Variants in XYLT1 observed in about 807,000 individuals in gnomAD.
XYLT1 encodes beta-D-xylosyltransferase 1.
Under a neutral mutation model 91.3 loss-of-function variants are expected in XYLT1, and 36 were observed. That is an observed-to-expected ratio of 0.39 (90% CI 0.30 to 0.52). The LOEUF is 0.52. Among genes scored for constraint, XYLT1 ranks in the 20% least tolerant of loss-of-function variants. The probability of loss-of-function intolerance (pLI) is 0.68; values close to 1 mark genes in which losing one functional copy is unlikely to be tolerated. For synonymous variants in XYLT1, 588 were observed against 532.0 expected, an observed-to-expected ratio of 1.11 and a Z score of -1.45; for missense variants, 1,242 against 1,284.5, an observed-to-expected ratio of 0.97 and a Z score of 0.51.
chr16:17,226,045 C>T (rs984135813), intron 3 of XYLT1, among the ~76,000 whole-genome samples: 2 of 152,040 alleles, frequency 1.3e-5, no homozygotes, highest in Non-Finnish European at 2.9e-5. Context: ...TGAAGGGGAC[C>T]CCTCCAGGAT....
chr16:17,421,571 C>T (rs978334766), intron 1 of XYLT1, among the ~76,000 whole-genome samples: 6 of 152,172 alleles, frequency 3.9e-5, no homozygotes, highest in Admixed American at 3.9e-4. Flanking sequence ...GGCCATCCAG[C>T]TGTGAGACAA....
Position 17,404,419 on chromosome 16 carries a change from G to A in XYLT1, c.364-46369C>T, listed in dbSNP as rs115161358. Among the ~76,000 whole-genome samples the A allele has an allele frequency of 8.3e-3, 1,265 of 152,250 alleles. 19 individuals are homozygous for A. Among genetic ancestry groups the A allele is most frequent in the African/African-American group, 0.029 (1,202 of 41,550 alleles). On this transcript the variant is annotated intron_variant, in intron 1 of 11. Coordinates refer to ENST00000261381, the MANE Select transcript of XYLT1 (RefSeq NM_022166.4). Reference sequence around the variant, plus strand: ...GTAACAGCCACAGTAACTGACACACGTCAACAACTGACCTGGAGCCAGATG... The same window carrying A: ...GTAACAGCCACAGTAACTGACACACATCAACAACTGACCTGGAGCCAGATG...
At chr16:17,296,248 C>T (rs941802061) in intron 2 of XYLT1, among the ~76,000 whole-genome samples, 6 of 136,370 alleles carry the variant, frequency 4.4e-5, no homozygotes, top group African/African-American at 1.9e-4. Flanking sequence ...AAACCTAAAC[C>T]AAACCATGTT....
At chr16:17,273,725 T>C (rs1348490108) in intron 2 of XYLT1, among the ~76,000 whole-genome samples, 3 of 150,906 alleles carry the variant, frequency 2.0e-5, no homozygotes, top group Non-Finnish European at 2.9e-5. Flanking sequence ...GTGCCTGTAA[T>C]CCCACCTACT....
intron 3 of XYLT1, among the ~76,000 whole-genome samples, chr16:17,218,217 C>A (rs1009311291): frequency 6.6e-6 from 1 of 152,004 alleles, no homozygotes; most frequent in Admixed American, 6.5e-5. Flanking sequence ...AAAATCACAC[C>A]ACTGCGCTCC....
rs2034568161 is a variant in XYLT1 at position 17,312,646 on chromosome 16, C to A, written c.402+45366G>T. Among the ~76,000 whole-genome samples, 1 of 152,104 alleles carries A rather than the reference C, an allele frequency of 6.6e-6. No homozygotes were observed. The highest frequency in any genetic ancestry group is 2.1e-4 in the South Asian group (1 of 4,820). ...CTGCAGATTTTGTTTTTGTTTTCAC[C>A]CATTTTCAACATACTCATGTGTGTA... On this transcript the variant is annotated intron_variant, in intron 2 of 11. Coordinates refer to ENST00000261381, the MANE Select transcript of XYLT1 (RefSeq NM_022166.4). This position sits in a 1 kb window ranked among gnomAD's most constrained non-coding sequence, Gnocchi z 4.4.
Position 17,198,228 on chromosome 16 carries a change from C to T in XYLT1, c.1273G>A (p.Ala425Thr). Residue 425 changes from alanine to threonine, a missense_variant, in exon 5 of 12, where the codon GCC (alanine) becomes ACC (threonine). Coordinates refer to ENST00000261381, the MANE Select transcript of XYLT1 (RefSeq NM_022166.4). The stretch of plus-strand genomic sequence containing the variant: ...CTGCCTTACCTGATGGGGTAGTCGG[C>T]CGCACTCAGGTTGATGAAGAAGTCC... The part of the protein sequence containing the change: ...PWDFFINLSA[A>T]DYPIRTNDQL... 6.2e-7 allele frequency: 1 copy of T among 1,614,158 alleles called. No homozygotes were observed. Among genetic ancestry groups the T allele is most frequent in the Non-Finnish European group, 8.5e-7 (1 of 1,180,018 alleles).
intron 2 of XYLT1, among the ~76,000 whole-genome samples, chr16:17,285,874 C>CTGTGTGTGTGTGTGTGTGTGTGTG (rs56267931): frequency 1.4e-5 from 2 of 145,156 alleles, no homozygotes; most frequent in East Asian, 2.2e-4. Context: ...TGGTGTATCT[C>CTGTGTGTGTGTGTGTGTGTGTGTG]TGTGTGTGTG....
chr16:17,353,902 T>C (rs989344691), intron 2 of XYLT1, among the ~76,000 whole-genome samples: 7 of 152,236 alleles, frequency 4.6e-5, no homozygotes, highest in Admixed American at 3.9e-4. Context: ...CAACACTATC[T>C]GCTTCCTGTG....
chr16:17,154,946 C>A (rs1245129890), intron 6 of XYLT1, among the ~76,000 whole-genome samples: 1 of 152,182 alleles, frequency 6.6e-6, no homozygotes, highest in African/African-American at 2.4e-5. Context: ...AAGATCTCTG[C>A]CTCTGTCACC....
At chr16:17,456,328 A>G (rs1181348442) in intron 1 of XYLT1, among the ~76,000 whole-genome samples, 1 of 146,806 alleles carries the variant, frequency 6.8e-6, no homozygotes. Context: ...CAAACAGTAC[A>G]AACCTTTTTT....
intron 3 of XYLT1, among the ~76,000 whole-genome samples, chr16:17,224,452 G>A (rs2033028107): frequency 6.6e-6 from 1 of 152,216 alleles, no homozygotes; most frequent in Non-Finnish European, 1.5e-5. Context: ...TTATTTCGCA[G>A]TCTTATCAGT....
intron 2 of XYLT1, among the ~76,000 whole-genome samples, chr16:17,285,101 C>A (rs2034115509): frequency 6.6e-6 from 1 of 152,170 alleles, no homozygotes; most frequent in Non-Finnish European, 1.5e-5. Context: ...GCAGCCCTGG[C>A]CAAGTCCAGA....
intron 1 of XYLT1, among the ~76,000 whole-genome samples, chr16:17,380,678 T>C (rs1346150357): frequency 6.6e-6 from 1 of 152,210 alleles, no homozygotes. Context: ...AGAAGGGGCT[T>C]GAACAGCTAT....
In XYLT1 at chr16:17,255,129, T is replaced by TG. The variant is rs1303671814; in HGVS notation, c.913+3858dup. Reference sequence around the variant, plus strand: ...CTCCTGCCTCAGCCTCTAGAGTAGCTGGGATTACAGGTGCACACCACCATG... The same window carrying TG: ...CTCCTGCCTCAGCCTCTAGAGTAGCTGGGGATTACAGGTGCACACCACCATG... On this transcript the variant is annotated intron_variant, in intron 3 of 11. Transcript: ENST00000261381. Among the ~76,000 whole-genome samples the TG allele has an allele frequency of 2.0e-5, 3 of 151,854 alleles. No individual in the cohort carries two copies. In the East Asian group the frequency reaches 5.8e-4, roughly 29 times the overall value.
At chr16:17,185,454 C>T (rs756030989) in intron 5 of XYLT1, among the ~76,000 whole-genome samples, 4 of 152,118 alleles carry the variant, frequency 2.6e-5, no homozygotes, top group African/African-American at 9.7e-5. Flanking sequence ...TGTCTCTGAA[C>T]GTCCCAAAGA....
intron 1 of XYLT1, among the ~76,000 whole-genome samples, chr16:17,436,049 A>G (rs935802907): frequency 2.0e-4 from 31 of 152,158 alleles, no homozygotes; most frequent in African/African-American, 7.0e-4. Context: ...TTCTCATGGT[A>G]GGGAATAAGT....
intron 6 of XYLT1, among the ~76,000 whole-genome samples, chr16:17,146,134 A>G (rs2031126193): frequency 6.6e-6 from 1 of 151,686 alleles, no homozygotes; most frequent in Non-Finnish European, 1.5e-5. Flanking sequence ...ATCCACTGAC[A>G]TTCACTCAGG....
chr16:17,338,530 A>AT lies in XYLT1; in HGVS notation c.402+19481dup, dbSNP rs1410505054. 6.4e-5 allele frequency: 29 copies of AT among 456,022 alleles called. No homozygotes were observed. In the East Asian group the frequency reaches 2.0e-3, roughly 32 times the overall value. 28.2% of individuals were successfully genotyped at this position (456,022 alleles called of 1,614,324 possible). On this transcript the variant is annotated intron_variant, in intron 2 of 11. Coordinates refer to ENST00000261381, the MANE Select transcript of XYLT1 (RefSeq NM_022166.4). ...CTCCATGAATATTGTATTTCTTGTG[A>AT]TTTTCTGACAAGGCTCAATATTTTC...
Sources: gnomAD v4.1 joint callset for allele counts (sites outside exome capture counted in the v4.1 genomes callset) on GRCh38, gnomAD v4.1.1 for gene constraint, Gnocchi (gnomAD v3.1) non-coding constraint, MANE v1.5 for transcripts, NCBI Gene and HGNC (gene_info 2026-07-23, HGNC 2026-07-21) for gene names.